Variants in RPSA observed in about 807,000 individuals in gnomAD.
RPSA encodes the protein ribosomal protein SA, also known as small ribosomal subunit protein uS2.
For missense variants in RPSA, 140 were observed against 372.8 expected, an observed-to-expected ratio of 0.38 and a Z score of 5.14; for synonymous variants, 103 against 126.7, an observed-to-expected ratio of 0.81 and a Z score of 1.25.
intron 3 of RPSA, 21 bp downstream of exon 3, chr3:39,408,745 T>A (rs1439085868): frequency 8.4e-6 from 10 of 1,189,758 alleles, no homozygotes; most frequent in Non-Finnish European, 1.3e-5. Context: ...CAGTGGTTAG[T>A]TTTTATATTA....
intron 1 of RPSA, 121 bp downstream of exon 1, chr3:39,406,885 G>A: frequency 2.2e-6 from 1 of 456,266 alleles, no homozygotes; most frequent in South Asian, 1.5e-5. Context: ...TCTCCCGCCC[G>A]GCGCGCCCCA....
chr3:39,407,005 A>C, intron 1 of RPSA: 1 of 453,474 alleles, frequency 2.2e-6, no homozygotes, highest in South Asian at 1.6e-5. Flanking sequence ...TGGGGTTCGG[A>C]CCAGGCCGCG....
chr3:39,410,497 A>G, intron 3 of RPSA: 1 of 496,086 alleles, frequency 2.0e-6, no homozygotes. Flanking sequence ...CTTGCTTGAG[A>G]AAAATATACT....
chr3:39,411,154 A>G (rs763527221), intron 4 of RPSA, 155 bp downstream of exon 4: 2 of 876,120 alleles, frequency 2.3e-6, no homozygotes, highest in Non-Finnish European at 1.9e-6. Flanking sequence ...CGCTAACACC[A>G]CAAGGGTCTC....
intron 1 of RPSA, 164 bp downstream of exon 1, chr3:39,406,928 C>CG: frequency 2.2e-6 from 1 of 453,742 alleles, no homozygotes; most frequent in African/African-American, 2.0e-5. Flanking sequence ...TGGCCAGGCT[C>CG]GGGCTGGCGG....
At chr3:39,409,183 C>CTT (rs1415806583) in intron 3 of RPSA, among the ~76,000 whole-genome samples, 4 of 63,542 alleles carry the variant, frequency 6.3e-5, no homozygotes, top group Non-Finnish European at 1.5e-4. Flanking sequence ...CTATGACCTT[C>CTT]CTTTTTTTTT....
At chr3:39,408,561 T>A in intron 2 of RPSA, 45 bp from the exon 3 acceptor site, 1 of 1,073,270 alleles carries the variant, frequency 9.3e-7, no homozygotes. Flanking sequence ...GAAGAATGTT[T>A]GCACAGCCAG....
At chr3:39,411,609 G>T in intron 4 of RPSA, 40 bp from the exon 5 acceptor site, 4 of 1,607,836 alleles carry the variant, frequency 2.5e-6, no homozygotes, top group Middle Eastern at 1.9e-4. Flanking sequence ...GTTTGGGTTT[G>T]ACCAAGTGTC....
In RPSA at chr3:39,408,740, G is replaced by T. The variant is rs190008375; in HGVS notation, c.252+16G>T. ...TACTGGCCAGGTTTGTGGAACAGTG[G>T]TTAGTTTTTATATTATAGAAATAAA... On this transcript the variant is annotated intron_variant, in intron 3 of 6. Coordinates refer to ENST00000301821, the MANE Select transcript of RPSA (RefSeq NM_002295.6). The T allele has an allele frequency of 7.9e-7, 1 of 1,269,908 alleles. No homozygotes were observed. The highest frequency in any genetic ancestry group is 1.7e-5 in the Admixed American group (1 of 59,584). 78.7% of individuals were successfully genotyped at this position (1,269,908 alleles called of 1,614,324 possible).
intron 4 of RPSA, chr3:39,411,271 G>A (rs1009890543): frequency 1.4e-6 from 1 of 695,160 alleles, no homozygotes; most frequent in Admixed American, 1.8e-5. Flanking sequence ...GTGTTCTTCT[G>A]CCTTTGTCCA....
intron 4 of RPSA, 95 bp downstream of exon 4, chr3:39,411,094 GC>G: frequency 6.7e-7 from 1 of 1,487,028 alleles, no homozygotes; most frequent in African/African-American, 1.4e-5. Flanking sequence ...CTACTGACTG[GC>G]CGATGAACTC....
At chr3:39,411,199 C>A (rs781261202) in intron 4 of RPSA, 200 bp downstream of exon 4, 1 of 761,408 alleles carries the variant, frequency 1.3e-6, no homozygotes, top group Non-Finnish European at 2.4e-6. Flanking sequence ...GTAATTCTTG[C>A]TACAAGTATA....
intron 3 of RPSA, 87 bp downstream of exon 3, chr3:39,408,811 T>A (rs1369597572): frequency 6.8e-5 from 60 of 880,380 alleles, no homozygotes; most frequent in Non-Finnish European, 7.8e-6. Context: ...AAAACAGAAA[T>A]AACTCAGGCC....
intron 3 of RPSA, 147 bp downstream of exon 3, chr3:39,408,871 G>A (rs34211462): frequency 0.31 from 187,723 of 606,454 alleles, 28,596 homozygotes; most frequent in Non-Finnish European, 0.33. Flanking sequence ...GGTGGAGTCC[G>A]GCGTATTACG....
At chr3:39,411,390 T>G in intron 4 of RPSA, 1 of 562,028 alleles carries the variant, frequency 1.8e-6, no homozygotes, top group Non-Finnish European at 3.2e-6. Flanking sequence ...GATTGGTTGA[T>G]TTGTAACCCT....
At chr3:39,407,011 C>T (rs1038067556) in intron 1 of RPSA, 2 of 453,518 alleles carry the variant, frequency 4.4e-6, no homozygotes, top group African/African-American at 2.0e-5. Context: ...TCGGACCAGG[C>T]CGCGGGTGGG....
chr3:39,409,815 A>C (rs533329499), intron 3 of RPSA, among the ~76,000 whole-genome samples: 6 of 150,358 alleles, frequency 4.0e-5, no homozygotes, highest in Admixed American at 1.3e-4. Flanking sequence ...AGCCTGGGGC[A>C]CAGAGTGAGA....
At chr3:39,408,792 A>T in intron 3 of RPSA, 68 bp downstream of exon 3, 1 of 950,378 alleles carries the variant, frequency 1.1e-6, no homozygotes, top group Non-Finnish European at 1.7e-6. Context: ...AGACATAGAA[A>T]GACATAAGAA....
At position 39,406,724 on chromosome 3, in the gene RPSA, T is replaced by TC. The variant is rs1421858060; in HGVS notation, c.-72dup. ...ACGTCATTTCCTGCCGCCTGTCTTT[T>TC]CCGTGCTACCTGCAGAGGGGTCCAT... On this transcript the variant is annotated 5_prime_UTR_variant, in exon 1 of 7. Transcript: ENST00000301821. The TC allele has an allele frequency of 2.8e-6, 1 of 351,436 alleles. No homozygotes were observed. The highest frequency in any genetic ancestry group is 1.0e-4 in the East Asian group (1 of 10,044). The allele number at this position is 351,436 out of a possible 1,614,324, so 21.8% of individuals were successfully genotyped here.
Sources: allele counts gnomAD v4.1 joint callset (sites outside exome capture counted in the v4.1 genomes callset), GRCh38; gene constraint gnomAD v4.1.1; transcripts MANE v1.5; gene names NCBI Gene and HGNC (gene_info 2026-07-23, HGNC 2026-07-21).